Variants in MBOAT2 observed in about 807,000 individuals in gnomAD.
MBOAT2 encodes the protein membrane-bound glycerophospholipid O-acyltransferase 2.
MBOAT2 carries 28 observed loss-of-function variants against 63.4 expected under a neutral mutation model. That is an observed-to-expected ratio of 0.44 (90% CI 0.33 to 0.61). The LOEUF (loss-of-function observed/expected upper bound fraction) is 0.61. Ranked by LOEUF, MBOAT2 falls within the 20% of genes least tolerant of loss-of-function variation. The pLI, the probability that MBOAT2 is intolerant of heterozygous loss-of-function variation, is 0.03. For missense variants in MBOAT2, 470 were observed against 605.8 expected (o/e 0.78, Z 2.35); for synonymous variants, 211 against 215.6 (o/e 0.98, Z 0.19).
intron 2 of MBOAT2, among the ~76,000 whole-genome samples, chr2:8,944,648 G>GACACACACAC (rs61107364): frequency 5.1e-4 from 72 of 140,216 alleles, no homozygotes; most frequent in African/African-American, 1.2e-3. Flanking sequence ...CTGTTTGACT[G>GACACACACAC]ACACACACAC....
At chr2:8,964,260 T>C (rs1345399846) in intron 1 of MBOAT2, among the ~76,000 whole-genome samples, 1 of 152,270 alleles carries the variant, frequency 6.6e-6, no homozygotes, top group Non-Finnish European at 1.5e-5. Context: ...TTTTACATAT[T>C]GTATTGCTTT....
intron 1 of MBOAT2, among the ~76,000 whole-genome samples, chr2:8,995,684 G>A (rs563039098): frequency 1.3e-4 from 19 of 147,854 alleles, no homozygotes; most frequent in Admixed American, 9.5e-4. Context: ...TCTGCCTCCC[G>A]GGTTCGCGCC....
At chr2:8,875,943 C>T (rs559108846) in intron 7 of MBOAT2, among the ~76,000 whole-genome samples, 66 of 152,358 alleles carry the variant, frequency 4.3e-4, no homozygotes, top group African/African-American at 1.5e-3. Context: ...AGTGCAGGTA[C>T]ATTTCTACAT....
At chr2:8,990,652 C>T (rs1018725863) in intron 1 of MBOAT2, among the ~76,000 whole-genome samples, 9 of 152,090 alleles carry the variant, frequency 5.9e-5, no homozygotes, top group African/African-American at 2.2e-4. Context: ...TAAAAAGAAA[C>T]TTGAATCCTT....
chr2:8,865,647 C>T (rs184913282), intron 9 of MBOAT2, among the ~76,000 whole-genome samples: 1 of 152,376 alleles, frequency 6.6e-6, no homozygotes, highest in Admixed American at 6.5e-5. Context: ...AGCTACTGCC[C>T]TATTTCTACC....
At chr2:8,905,948 AT>A in intron 4 of MBOAT2, among the ~76,000 whole-genome samples, 6 of 152,116 alleles carry the variant, frequency 3.9e-5, no homozygotes, top group Non-Finnish European at 8.8e-5. Context: ...TTTAACTGGC[AT>A]TTTATTTTTA....
At chr2:8,910,317 G>A (rs563887341) in intron 3 of MBOAT2, among the ~76,000 whole-genome samples, 160 of 152,234 alleles carry the variant, frequency 1.1e-3, no homozygotes, top group African/African-American at 3.4e-3. Context: ...GAGGAGCAGC[G>A]TGGAGATGGA....
intron 4 of MBOAT2, chr2:8,908,133 T>C (rs1458554203): frequency 6.6e-6 from 1 of 152,298 alleles, no homozygotes; most frequent in Admixed American, 6.5e-5. Flanking sequence ...GAAAGCAAGT[T>C]ACTTCGTAAG....
chr2:8,989,122 T>TG (rs1031109130), intron 1 of MBOAT2, among the ~76,000 whole-genome samples: 4 of 152,246 alleles, frequency 2.6e-5, no homozygotes, highest in African/African-American at 9.6e-5. Flanking sequence ...CATTCAGCTT[T>TG]AACTCAATGT....
chr2:8,966,496 A>G (rs1338908026), intron 1 of MBOAT2, among the ~76,000 whole-genome samples: 1 of 152,206 alleles, frequency 6.6e-6, no homozygotes, highest in Non-Finnish European at 1.5e-5. Context: ...GTCTGAAATG[A>G]GACCTTGAAT....
At chr2:8,994,893 A>G (rs1234520646) in intron 1 of MBOAT2, among the ~76,000 whole-genome samples, 1 of 152,228 alleles carries the variant, frequency 6.6e-6, no homozygotes, top group Non-Finnish European at 1.5e-5. Context: ...CAAGGAGTTA[A>G]AAGAGAGAAA....
intron 4 of MBOAT2, among the ~76,000 whole-genome samples, chr2:8,900,521 C>T (rs2148573948): frequency 6.6e-6 from 1 of 152,222 alleles, no homozygotes; most frequent in South Asian, 2.1e-4. Context: ...CCAGGTTGGG[C>T]CAAATTTCCC....
intron 2 of MBOAT2, among the ~76,000 whole-genome samples, chr2:8,946,459 G>T (rs1258503392): frequency 6.6e-6 from 1 of 152,114 alleles, no homozygotes; most frequent in South Asian, 2.1e-4. Context: ...GCAGGTAAAC[G>T]ATCAGTTACA....
chr2:8,929,871 T>C (rs527821219), intron 3 of MBOAT2, among the ~76,000 whole-genome samples: 55 of 152,176 alleles, frequency 3.6e-4, no homozygotes, highest in Non-Finnish European at 6.5e-4. Context: ...GGATGAATAA[T>C]ATTGAACACA....
chr2:8,959,656 T>C (rs1317504719), intron 1 of MBOAT2, among the ~76,000 whole-genome samples: 3 of 152,088 alleles, frequency 2.0e-5, no homozygotes, highest in South Asian at 2.1e-4. Context: ...AAAGACAAAG[T>C]GTCACTATGT....
At position 8,958,486 on chromosome 2, in the gene MBOAT2, T is replaced by C; in HGVS notation, c.221+11A>G. On this transcript the variant is annotated intron_variant, in intron 2 of 12. Coordinates refer to ENST00000305997, the MANE Select transcript of MBOAT2 (RefSeq NM_138799.4). ...AGTCTTCATTTTAAAAGGATCAAAA[T>C]AATTACTTACCATCCAAAGCAAAAA... is the stretch of plus-strand genomic sequence containing the variant. 1 of 1,577,564 alleles carries C rather than the reference T, an allele frequency of 6.3e-7. No homozygotes were observed. Among genetic ancestry groups the C allele is most frequent in the South Asian group, 1.2e-5 (1 of 84,420 alleles).
intron 2 of MBOAT2, among the ~76,000 whole-genome samples, chr2:8,953,593 G>A (rs768332252): frequency 6.6e-6 from 1 of 152,032 alleles, no homozygotes; most frequent in African/African-American, 2.4e-5. Context: ...ACATTTGGTT[G>A]CTTTACATAA....
At chr2:8,868,354 A>C in intron 9 of MBOAT2, 92 bp downstream of exon 9, 3 of 1,049,310 alleles carry the variant, frequency 2.9e-6, no homozygotes, top group Non-Finnish European at 4.3e-6. Flanking sequence ...AAAAACCTTC[A>C]ATACCACTCC....
chr2:8,876,503 C>T (rs760341966), intron 7 of MBOAT2, among the ~76,000 whole-genome samples: 1 of 152,130 alleles, frequency 6.6e-6, no homozygotes, highest in Non-Finnish European at 1.5e-5. Flanking sequence ...TTACTAATCT[C>T]TTCATTGTGG....
Sources: allele counts gnomAD v4.1 joint callset (sites outside exome capture counted in the v4.1 genomes callset), GRCh38; gene constraint gnomAD v4.1.1; transcripts MANE v1.5; gene names NCBI Gene and HGNC (gene_info 2026-07-23, HGNC 2026-07-21).